ZNF462: variants seen among roughly 807,000 people sequenced by gnomAD.
The protein encoded by ZNF462 is zinc finger PBX1-interacting protein.
In ZNF462, 10 loss-of-function variants were observed where a neutral mutation model predicts 201.9. The observed-to-expected ratio is 0.05, with a 90% confidence interval of 0.03 to 0.08. The LOEUF (loss-of-function observed/expected upper bound fraction) is 0.08. Ranked by LOEUF, ZNF462 falls within the 10% of genes least tolerant of loss-of-function variation. The pLI is 1.00. For synonymous variants in ZNF462, 1,227 were observed against 1,193.3 expected, an observed-to-expected ratio of 1.03 and a Z score of -0.58; for missense variants, 2,523 against 3,168.3, an observed-to-expected ratio of 0.80 and a Z score of 4.89.
intron 10 of ZNF462, among the ~76,000 whole-genome samples, chr9:106,985,324 G>GT (rs1827753168): frequency 6.6e-6 from 1 of 152,114 alleles, no homozygotes; most frequent in East Asian, 1.9e-4. Flanking sequence ...TATAAGGATT[G>GT]TAAAATATAT....
intron 1 of ZNF462, among the ~76,000 whole-genome samples, chr9:106,906,639 A>G (rs1829287427): frequency 6.6e-6 from 1 of 152,226 alleles, no homozygotes; most frequent in African/African-American, 2.4e-5. Flanking sequence ...CAGAAGAGTC[A>G]ACATTCTTAG....
chr9:106,884,291 G>C (rs1191583096), intron 1 of ZNF462, among the ~76,000 whole-genome samples: 9 of 152,198 alleles, frequency 5.9e-5, no homozygotes, highest in African/African-American at 1.9e-4. Flanking sequence ...CACTGTGCTT[G>C]AAGAGTTGAC....
rs1226616398 is a variant in ZNF462 at position 106,938,018 on chromosome 9, T to C, written c.6236-898T>C. Among the ~76,000 whole-genome samples the C allele has an allele frequency of 6.6e-6, 1 of 152,154 alleles. No homozygotes were observed. The highest frequency in any genetic ancestry group is 1.9e-4 in the East Asian group (1 of 5,202). ...TGGCTTTCTGAATTGATCTTACCAGTGTATATATGTCCAACAATTTAAGCC... is the reference window on the plus strand; with the variant it reads ...TGGCTTTCTGAATTGATCTTACCAGCGTATATATGTCCAACAATTTAAGCC... On this transcript the variant is annotated intron_variant, in intron 6 of 12. Coordinates refer to ENST00000277225, the MANE Select transcript of ZNF462 (RefSeq NM_021224.6). This position sits in a 1 kb window ranked among gnomAD's most constrained non-coding sequence, Gnocchi z 4.4.
At chr9:106,882,440 T>C (rs1828139603) in intron 1 of ZNF462, among the ~76,000 whole-genome samples, 1 of 152,236 alleles carries the variant, frequency 6.6e-6, no homozygotes, top group Non-Finnish European at 1.5e-5. Flanking sequence ...CATCGCTAGA[T>C]TTATAGCATT....
Position 106,966,324 on chromosome 9 carries a change from T to G in ZNF462, c.6428-5681T>G, listed in dbSNP as rs1832069170. On this transcript the variant is annotated intron_variant, in intron 7 of 12. Coordinates refer to ENST00000277225, the MANE Select transcript of ZNF462 (RefSeq NM_021224.6). This position sits in a 1 kb window ranked among gnomAD's most constrained non-coding sequence, Gnocchi z 4.4. ...TCATTTTTTTTCATTGTGATAATAATGTAGTTGTTGAATTTCTGTTTAGTT... is the reference window on the plus strand; with the variant it reads ...TCATTTTTTTTCATTGTGATAATAAGGTAGTTGTTGAATTTCTGTTTAGTT... Among the ~76,000 whole-genome samples the G allele has an allele frequency of 6.6e-6, 1 of 152,100 alleles. No individual in the cohort carries two copies.
rs528672540 is a variant in ZNF462, at chr9:107,003,256, C to T, written c.7057-38C>T. On this transcript the variant is annotated intron_variant, in intron 10 of 12. Coordinates refer to ENST00000277225, the MANE Select transcript of ZNF462 (RefSeq NM_021224.6). The surrounding 1 kb of genome is among the most constrained non-coding windows in gnomAD (Gnocchi z 4.4). The stretch of plus-strand genomic sequence containing the variant: ...ATCAGGGAGAACCCCATTTGGTCTG[C>T]GGTTTATTATTCCATCATTTGTTTG... 188 of 1,610,218 alleles carry T rather than the reference C, an allele frequency of 1.2e-4. 2 individuals are homozygous for T. The South Asian group carries it at 1.5e-3, about 13-fold the overall frequency.
rs188409166 is a variant in ZNF462 at position 107,005,801 on chromosome 9, G to A, written c.7189+2375G>A. Reference sequence around the variant, plus strand: ...TTTTCCCCTTTGTTTTTGTCTAGTAGTTTTATAGTTTCAGGTCTTATATTC... The same window carrying A: ...TTTTCCCCTTTGTTTTTGTCTAGTAATTTTATAGTTTCAGGTCTTATATTC... On this transcript the variant is annotated intron_variant, in intron 11 of 12. Transcript: ENST00000277225. This position sits in a 1 kb window ranked among gnomAD's most constrained non-coding sequence, Gnocchi z 4.4. Among the ~76,000 whole-genome samples the A allele has an allele frequency of 6.0e-4, 91 of 152,186 alleles. No homozygotes were observed. The highest frequency in any genetic ancestry group is 2.2e-3 in the African/African-American group (90 of 41,522).
At chr9:106,887,200 A>G (rs1223265761) in intron 1 of ZNF462, among the ~76,000 whole-genome samples, 1 of 152,202 alleles carries the variant, frequency 6.6e-6, no homozygotes, top group Non-Finnish European at 1.5e-5. Flanking sequence ...TTTATAACCT[A>G]TCATGAAGAG....
At chr9:106,907,709 TA>T (rs1329162873) in intron 1 of ZNF462, among the ~76,000 whole-genome samples, 2 of 152,048 alleles carry the variant, frequency 1.3e-5, no homozygotes, top group African/African-American at 4.8e-5. Flanking sequence ...TATGATGTAA[TA>T]TATTGATTCC....
At chr9:106,889,198 G>GT (rs1204334222) in intron 1 of ZNF462, among the ~76,000 whole-genome samples, 1 of 152,178 alleles carries the variant, frequency 6.6e-6, no homozygotes, top group Non-Finnish European at 1.5e-5. Flanking sequence ...GTGGAAGTCA[G>GT]TAAGTATGTC....
chr9:106,951,988 G>T (rs879704695), intron 7 of ZNF462, among the ~76,000 whole-genome samples: 14 of 152,200 alleles, frequency 9.2e-5, no homozygotes, highest in Admixed American at 2.6e-4. Context: ...ACTGGAGCTA[G>T]TGAACATTAG....
Position 106,977,001 on chromosome 9 carries a change from G to A in ZNF462, c.6832+2728G>A, listed in dbSNP as rs1205990958. Among the ~76,000 whole-genome samples, 1 of 152,186 alleles carries A rather than the reference G, an allele frequency of 6.6e-6. No homozygotes were observed. The highest frequency in any genetic ancestry group is 1.5e-5 in the Non-Finnish European group (1 of 68,042). On this transcript the variant is annotated intron_variant, in intron 9 of 12. Coordinates refer to ENST00000277225, the MANE Select transcript of ZNF462 (RefSeq NM_021224.6). The surrounding 1 kb of genome is among the most constrained non-coding windows in gnomAD (Gnocchi z 4.6). ...GAGAGAGGTAGTATCACCCTGTTGA[G>A]TGTTCTAGTAGCTGTGGCGGCTGAG...
intron 10 of ZNF462, among the ~76,000 whole-genome samples, chr9:106,992,346 A>C (rs949768528): frequency 2.0e-5 from 3 of 152,114 alleles, no homozygotes; most frequent in African/African-American, 7.2e-5. Flanking sequence ...TGATAGTATC[A>C]AAGTGTTGGC....
chr9:106,971,091 T>A (rs1826583802), intron 7 of ZNF462, among the ~76,000 whole-genome samples: 1 of 152,208 alleles, frequency 6.6e-6, no homozygotes, highest in South Asian at 2.1e-4. Context: ...GAGAACGCTA[T>A]TGGATTTTTA....
chr9:106,939,170 C>A (rs1830759026), intron 7 of ZNF462, 63 bp downstream of exon 7: 2 of 1,391,052 alleles, frequency 1.4e-6, no homozygotes, highest in Non-Finnish European at 1.9e-6. Flanking sequence ...GGATTCATTG[C>A]CAATCATTTT....
At position 106,865,469 on chromosome 9, in the gene ZNF462, CA is replaced by C. The variant is rs927108817; in HGVS notation, c.-31+2117del. Among the ~76,000 whole-genome samples the C allele has an allele frequency of 2.0e-5, 3 of 152,100 alleles. No individual in the cohort carries two copies. Among genetic ancestry groups the C allele is most frequent in the African/African-American group, 7.2e-5 (3 of 41,416 alleles). ...ATTGTCTGATTTGAGTTGATTTCTG[CA>C]AATATAAAAAATAATAAGAATAATC... On this transcript the variant is annotated intron_variant, in intron 1 of 12. Transcript: ENST00000277225. The surrounding 1 kb of genome is among the most constrained non-coding windows in gnomAD (Gnocchi z 4.1).
At chr9:106,912,623 T>C (rs1829599241) in intron 1 of ZNF462, among the ~76,000 whole-genome samples, 2 of 152,318 alleles carry the variant, frequency 1.3e-5, no homozygotes, top group Middle Eastern at 3.4e-3. Context: ...AAAAGATTTT[T>C]TTTCTGGCTT....
rs1826864711 is a variant in ZNF462, at chr9:106,974,711, C to T, written c.6832+438C>T. On this transcript the variant is annotated intron_variant, in intron 9 of 12. Transcript: ENST00000277225. This position sits in a 1 kb window ranked among gnomAD's most constrained non-coding sequence, Gnocchi z 4.0. ...TTCCAAAGCAGAACATGGAACTTCC[C>T]TTGAAATGGTTGAAGGGAGAGAGAA... 4.3e-6 allele frequency: 1 copy of T among 232,886 alleles called. No individual in the cohort carries two copies. The highest frequency in any genetic ancestry group is 2.2e-5 in the African/African-American group (1 of 45,156). The allele number at this position is 232,886 out of a possible 1,614,324, so 14.4% of individuals were successfully genotyped here. A position where few individuals can be genotyped will look rare whatever the true frequency, so the allele number is the denominator to read the frequency against.
Position 106,923,520 on chromosome 9 carries a change from G to A in ZNF462, c.137G>A (p.Cys46Tyr). 2 of 1,614,242 alleles carry A rather than the reference G, an allele frequency of 1.2e-6. No individual in the cohort carries two copies. Among genetic ancestry groups the A allele is most frequent in the Admixed American group, 1.7e-5 (1 of 60,030 alleles). Reference protein sequence around the residue: ...VAEDNVNELRCGSVNASNQTE... With the variant: ...VAEDNVNELRYGSVNASNQTE... Reference sequence around the variant, plus strand: ...GAGGACAATGTGAATGAGCTACGATGTGGGTCCGTGAATGCCAGTAATCAG... The same window carrying A: ...GAGGACAATGTGAATGAGCTACGATATGGGTCCGTGAATGCCAGTAATCAG... Residue 46 changes from cysteine to tyrosine, a missense_variant, in exon 2 of 13, where the codon TGT (cysteine) becomes TAT (tyrosine). By Grantham distance (194) the Cys-to-Tyr change is radical. Around this residue, in one of 15 missense-constraint regions of ZNF462, gnomAD observed 480 missense variants for 544.4 expected, o/e 0.88. Transcript: ENST00000277225. This position sits in a 1 kb window ranked among gnomAD's most constrained non-coding sequence, Gnocchi z 5.6.
Sources: allele counts gnomAD v4.1 joint callset (sites outside exome capture counted in the v4.1 genomes callset), GRCh38; gene constraint gnomAD v4.1.1; regional missense constraint gnomAD v4.1.1; non-coding constraint Gnocchi (gnomAD v3.1); transcripts MANE v1.5; gene names NCBI Gene and HGNC (gene_info 2026-07-23, HGNC 2026-07-21).